Variants in CSNK1A1 observed in about 807,000 individuals in gnomAD.
The protein encoded by CSNK1A1 is casein kinase 1 alpha 1, also known as casein kinase I isoform alpha.
Under a neutral mutation model 46.1 loss-of-function variants are expected in CSNK1A1, and 7 were observed. The ratio of observed to expected loss-of-function variants is 0.15; its 90% confidence interval spans 0.09 to 0.29. CSNK1A1 has a LOEUF of 0.29. CSNK1A1 is among the 10% of genes least tolerant of loss of function. CSNK1A1 has a pLI of 1.00. For missense variants in CSNK1A1, 96 were observed against 417.1 expected (o/e 0.23, Z 6.71); for synonymous variants, 137 against 141.5 (o/e 0.97, Z 0.23).
chr5:149,503,086 A>G (rs1760923301), intron 9 of CSNK1A1: 1 of 985,308 alleles, frequency 1.0e-6, no homozygotes, highest in Non-Finnish European at 1.2e-6. Context: ...TTAAATAAAG[A>G]ACCACTATAG....
chr5:149,529,167 G>T (rs900898275), intron 2 of CSNK1A1, among the ~76,000 whole-genome samples: 6 of 152,086 alleles, frequency 3.9e-5, no homozygotes, highest in Admixed American at 3.9e-4. Context: ...ATTTTAAAAA[G>T]ATAAAATGTT....
At chr5:149,535,306 T>G (rs953457380) in intron 2 of CSNK1A1, among the ~76,000 whole-genome samples, 1 of 152,232 alleles carries the variant, frequency 6.6e-6, no homozygotes, top group Non-Finnish European at 1.5e-5. Context: ...TGCTTAGATC[T>G]AACCCCAATC....
chr5:149,551,190 G>T lies in CSNK1A1; in HGVS notation c.-226C>A. 1 of 408,226 alleles carries T rather than the reference G, an allele frequency of 2.4e-6. No individual in the cohort carries two copies. Among genetic ancestry groups the T allele is most frequent in the Non-Finnish European group, 4.4e-6 (1 of 225,450 alleles). The allele number at this position is 408,226 out of a possible 1,614,324, so 25.3% of individuals were successfully genotyped here. A position where few individuals can be genotyped will look rare whatever the true frequency, so the allele number is the denominator to read the frequency against. ...GGCCGCAGTTTGTGAAGGGCTTCTCGGCGGTTACCAGGCTGGGCCACTTGT... is the reference window on the plus strand; with the variant it reads ...GGCCGCAGTTTGTGAAGGGCTTCTCTGCGGTTACCAGGCTGGGCCACTTGT... On this transcript the variant is annotated 5_prime_UTR_variant, in exon 1 of 10. Coordinates refer to ENST00000377843, the MANE Select transcript of CSNK1A1 (RefSeq NM_001892.6).
chr5:149,539,291 C>CT (rs1349590661), intron 2 of CSNK1A1, among the ~76,000 whole-genome samples: 1 of 151,904 alleles, frequency 6.6e-6, no homozygotes. Context: ...CAGTGAGACT[C>CT]TATTTCTAAA....
chr5:149,520,478 G>C, intron 3 of CSNK1A1, 90 bp from the exon 4 acceptor site: 1 of 731,232 alleles, frequency 1.4e-6, no homozygotes, highest in Non-Finnish European at 2.3e-6. Flanking sequence ...CAATTATTTA[G>C]AGTTCACAAA....
chr5:149,512,582 C>CT lies in CSNK1A1; in HGVS notation c.596+487dup, dbSNP rs1216143802. ...AATAGGAAGAGAGCAGAGACTGTTA[C>CT]TTTTTTTACTTTAAACTAGATCCTA... On this transcript the variant is annotated intron_variant, in intron 5 of 9. Coordinates refer to ENST00000377843, the MANE Select transcript of CSNK1A1 (RefSeq NM_001892.6). 4.6e-5 allele frequency among the ~76,000 whole-genome samples: 7 copies of CT among 152,152 alleles called. 1 individual carries two copies. Among genetic ancestry groups the CT allele is most frequent in the South Asian group, 2.1e-4 (1 of 4,830 alleles).
chr5:149,497,618 G>T lies in CSNK1A1; in HGVS notation c.1007-758C>A, dbSNP rs536627855. On this transcript the variant is annotated intron_variant, in intron 9 of 9. Transcript: ENST00000377843. ...CTTTATCTACAGCTAAAGGCAAAGGGAGAAAATATGCCTGTCCCACAGCAA... is the reference window on the plus strand; with the variant it reads ...CTTTATCTACAGCTAAAGGCAAAGGTAGAAAATATGCCTGTCCCACAGCAA... The T allele has an allele frequency of 3.0e-6, 3 of 985,430 alleles. No individual in the cohort carries two copies. The South Asian group carries it at 1.4e-4, about 46-fold the overall frequency. 61.0% of individuals were successfully genotyped at this position (985,430 alleles called of 1,614,324 possible). A position where few individuals can be genotyped will look rare whatever the true frequency, so the allele number is the denominator to read the frequency against.
chr5:149,516,150 T>C (rs948470149), intron 4 of CSNK1A1, among the ~76,000 whole-genome samples: 2 of 151,958 alleles, frequency 1.3e-5, no homozygotes, highest in African/African-American at 2.4e-5. Context: ...TAAAACCCCA[T>C]CTCCACTAAA....
At chr5:149,541,158 GTTTT>G (rs111502460) in intron 2 of CSNK1A1, among the ~76,000 whole-genome samples, 1 of 141,234 alleles carries the variant, frequency 7.1e-6, no homozygotes, top group African/African-American at 2.6e-5. Context: ...AACCAATTTT[GTTTT>G]TTTTTTTTGA....
intron 2 of CSNK1A1, among the ~76,000 whole-genome samples, chr5:149,542,660 A>ATG (rs1762328108): frequency 1.5e-4 from 1 of 6,610 alleles, no homozygotes; most frequent in Admixed American, 3.2e-3. Context: ...ATATATATAT[A>ATG]TATATATATA....
Position 149,550,832 on chromosome 5 carries a change from AGAT to A in CSNK1A1, c.123+7_123+9del, listed in dbSNP as rs556777983. ...GCAGCGTTATCGTGAACCCCACCCC[AGAT>A]GATTACCTCGCCGTTGGTGATGTTG... On this transcript the variant is annotated splice_region_variant and intron_variant, in intron 1 of 9. Transcript: ENST00000377843. The surrounding 1 kb of genome is among the most constrained non-coding windows in gnomAD (Gnocchi z 4.3). 515 of 1,613,944 alleles carry A rather than the reference AGAT, an allele frequency of 3.2e-4. 4 individuals carry two copies. The African/African-American group carries it at 6.0e-3, about 19-fold the overall frequency.
At chr5:149,521,195 G>C (rs1361698504) in intron 3 of CSNK1A1, among the ~76,000 whole-genome samples, 1 of 151,928 alleles carries the variant, frequency 6.6e-6, no homozygotes, top group Non-Finnish European at 1.5e-5. Context: ...CTGAGTTGAA[G>C]GGTGTATTTT....
chr5:149,518,436 C>T (rs1261264438), intron 4 of CSNK1A1, among the ~76,000 whole-genome samples: 1 of 152,090 alleles, frequency 6.6e-6, no homozygotes, highest in Non-Finnish European at 1.5e-5. Context: ...CCCCCCAAAA[C>T]CTTTTTTTCC....
intron 2 of CSNK1A1, among the ~76,000 whole-genome samples, chr5:149,542,672 GTATATA>G (rs1200603954): frequency 4.2e-4 from 2 of 4,796 alleles, no homozygotes; most frequent in African/African-American, 1.9e-3. Context: ...ATATATATAT[GTATATA>G]TATATATATA....
At chr5:149,516,727 C>A (rs1054958450) in intron 4 of CSNK1A1, among the ~76,000 whole-genome samples, 7 of 152,116 alleles carry the variant, frequency 4.6e-5, no homozygotes, top group South Asian at 4.2e-4. Flanking sequence ...GTCTTCCCCC[C>A]ACCCCTTATC....
chr5:149,496,794 G>C lies in CSNK1A1; in HGVS notation c.*59C>G. ...ATATGAACTAAAATTTCTAGATTTGGGGAGAAACAAATGCTGCTCCGATCA... is the reference window on the plus strand; with the variant it reads ...ATATGAACTAAAATTTCTAGATTTGCGGAGAAACAAATGCTGCTCCGATCA... On this transcript the variant is annotated 3_prime_UTR_variant, in exon 10 of 10. Transcript: ENST00000377843. 6.5e-7 allele frequency: 1 copy of C among 1,542,846 alleles called. No homozygotes were observed. The highest frequency in any genetic ancestry group is 8.7e-7 in the Non-Finnish European group (1 of 1,146,504).
intron 9 of CSNK1A1, chr5:149,498,123 T>A (rs963608705): frequency 4.1e-6 from 4 of 985,290 alleles, no homozygotes; most frequent in Non-Finnish European, 4.8e-6. Flanking sequence ...GGAGCCACCG[T>A]GCCCAGCTTC....
chr5:149,533,937 A>G (rs1345099481), intron 2 of CSNK1A1, among the ~76,000 whole-genome samples: 2 of 152,234 alleles, frequency 1.3e-5, no homozygotes, highest in Non-Finnish European at 2.9e-5. Context: ...GCTGACGGGA[A>G]ATGGAGTGAC....
At position 149,525,265 on chromosome 5, in the gene CSNK1A1, G is replaced by T; in HGVS notation, c.231-94C>A. 1.6e-6 allele frequency: 2 copies of T among 1,236,226 alleles called. No individual in the cohort carries two copies. The highest frequency in any genetic ancestry group is 2.2e-6 in the Non-Finnish European group (2 of 926,000). The allele number at this position is 1,236,226 out of a possible 1,614,324, so 76.6% of individuals were successfully genotyped here. ...TAATATAGTTTTCTTTCACTGACTA[G>T]GTATTATATAAGGCGAATGTTCCCC... On this transcript the variant is annotated intron_variant, in intron 2 of 9. Transcript: ENST00000377843. The surrounding 1 kb of genome is among the most constrained non-coding windows in gnomAD (Gnocchi z 4.2).
Sources: gnomAD v4.1 joint callset for allele counts (sites outside exome capture counted in the v4.1 genomes callset) on GRCh38, gnomAD v4.1.1 for gene constraint, Gnocchi (gnomAD v3.1) non-coding constraint, MANE v1.5 for transcripts, NCBI Gene and HGNC (gene_info 2026-07-23, HGNC 2026-07-21) for gene names.